Variants in UNC5B observed in about 807,000 individuals in gnomAD.
UNC5B encodes the protein unc-5 netrin receptor B, also known as netrin receptor UNC5B.
Under a neutral mutation model 103.7 loss-of-function variants are expected in UNC5B, and 56 were observed. The ratio of observed to expected loss-of-function variants is 0.54; its 90% CI spans 0.44 to 0.67. The LOEUF (loss-of-function observed/expected upper bound fraction) is 0.67. UNC5B is among the 30% of genes least tolerant of loss of function. The pLI, the probability that UNC5B is intolerant of heterozygous loss-of-function variation, is 0.00. For missense variants in UNC5B, 1,194 were observed against 1,284.5 expected (o/e 0.93, Z 1.08); for synonymous variants, 577 against 542.0 (o/e 1.06, Z -0.90).
At position 71,261,357 on chromosome 10, in the gene UNC5B, C is replaced by T. The variant is rs1050086004; in HGVS notation, c.80-18464C>T. Among the ~76,000 whole-genome samples, 3 of 152,184 alleles carry T rather than the reference C, an allele frequency of 2.0e-5. No homozygotes were observed. The East Asian group carries it at 5.8e-4, about 29-fold the overall frequency. ...TTATTAGTGATGCTTGCCACAGCCT[C>T]AGGATTGGCCAGGTGGCCGTGCATT... On this transcript the variant is annotated intron_variant, in intron 1 of 16. Transcript: ENST00000335350.
Position 71,297,936 on chromosome 10 carries a change from T to A in UNC5B, c.2518T>A (p.Cys840Ser), listed in dbSNP as rs1421879420. 3 of 1,613,706 alleles carry A rather than the reference T, an allele frequency of 1.9e-6. No homozygotes were observed. Among genetic ancestry groups the A allele is most frequent in the Non-Finnish European group, 2.5e-6 (3 of 1,179,816 alleles). ...ACCTGCTGGCTCCCTGGACACTCTCTGCTCTGCCCCTGGCAGCACTGTCAC... is the reference window on the plus strand; with the variant it reads ...ACCTGCTGGCTCCCTGGACACTCTCAGCTCTGCCCCTGGCAGCACTGTCAC... ...ETPAGSLDTL[C>S]SAPGSTVTTQ... Residue 840 changes from cysteine to serine, a missense_variant, in exon 16 of 17, where the codon TGC (cysteine) becomes AGC (serine). Transcript: ENST00000335350.
In UNC5B at chr10:71,299,147, C is replaced by CGG. The variant is rs762709587; in HGVS notation, c.2710_2711dup (p.Ile906Ter). The stretch of plus-strand genomic sequence containing the variant: ...TACTTTGCCACCAAAGCGAGCCCCA[C>CGG]GGGTGTGATCCTGGACCTCTGGGAA... On this transcript the variant is annotated frameshift_variant, in exon 17 of 17. Coordinates refer to ENST00000335350, the MANE Select transcript of UNC5B (RefSeq NM_170744.5). LOFTEE classifies it high-confidence loss of function. 6.2e-7 allele frequency: 1 copy of CGG among 1,614,222 alleles called. No homozygotes were observed. Among genetic ancestry groups the CGG allele is most frequent in the Non-Finnish European group, 8.5e-7 (1 of 1,180,044 alleles).
Position 71,212,592 on chromosome 10 carries a change from G to A in UNC5B, c.-394G>A, listed in dbSNP as rs902924418. The A allele has an allele frequency of 6.3e-6, 1 of 158,582 alleles. No homozygotes were observed. The highest frequency in any genetic ancestry group is 2.4e-5 in the African/African-American group (1 of 41,668). The allele number at this position is 158,582 out of a possible 1,614,324, so 9.8% of individuals were successfully genotyped here. ...GGCATTGTGGCAGGCGGCTGGGGCCGGCTAGGGCGCCGGAGCCGCACGCAG... is the reference window on the plus strand; with the variant it reads ...GGCATTGTGGCAGGCGGCTGGGGCCAGCTAGGGCGCCGGAGCCGCACGCAG... On this transcript the variant is annotated 5_prime_UTR_variant, in exon 1 of 17. Coordinates refer to ENST00000335350, the MANE Select transcript of UNC5B (RefSeq NM_170744.5).
chr10:71,299,064 G>A (rs775705545), intron 16 of UNC5B, 48 bp from the exon 17 acceptor site: 35 of 1,607,276 alleles, frequency 2.2e-5, no homozygotes, highest in Admixed American at 3.4e-5. Context: ...AGGCTCCGGG[G>A]AGGGGCTAAG....
chr10:71,231,535 G>A (rs193134625), intron 1 of UNC5B, among the ~76,000 whole-genome samples: 1 of 152,338 alleles, frequency 6.6e-6, no homozygotes, highest in East Asian at 1.9e-4. Flanking sequence ...GCAGGGCTGT[G>A]TACGCTCAGC....
intron 1 of UNC5B, among the ~76,000 whole-genome samples, chr10:71,251,127 A>T (rs1844163075): frequency 6.6e-6 from 1 of 152,164 alleles, no homozygotes; most frequent in Non-Finnish European, 1.5e-5. Flanking sequence ...TTCCAAATAT[A>T]TTGATATGGA....
chr10:71,282,169 C>A (rs754695170), intron 2 of UNC5B, among the ~76,000 whole-genome samples: 4 of 152,248 alleles, frequency 2.6e-5, no homozygotes, highest in Non-Finnish European at 5.9e-5. Flanking sequence ...GGCAGAGCTT[C>A]CTTGGCAGTG....
In UNC5B at chr10:71,291,551, C is replaced by T. The variant is rs767423548; in HGVS notation, c.1414C>T (p.Pro472Ser). The T allele has an allele frequency of 4.3e-6, 7 of 1,614,208 alleles. No individual in the cohort carries two copies. In the Admixed American group the frequency reaches 1.0e-4, roughly 23 times the overall value. Residue 472 changes from proline (P) to serine (S), a missense_variant, in exon 10 of 17, where the codon CCT becomes TCT. Physicochemically the swap from Pro to Ser is moderately conservative, Grantham distance 74. Coordinates refer to ENST00000335350, the MANE Select transcript of UNC5B (RefSeq NM_170744.5). ...STDKIPMTNS[P>S]LLDPLPSLKV... ...CGACAAAATCCCCATGACCAACTCT[C>T]CTCTGCTGGACCCCTTACCCAGCCT...
chr10:71,234,586 C>A (rs935218041), intron 1 of UNC5B, among the ~76,000 whole-genome samples: 2 of 152,212 alleles, frequency 1.3e-5, no homozygotes, highest in Non-Finnish European at 2.9e-5. Context: ...AGCTCAAAGC[C>A]CCAGGCAGAA....
At chr10:71,236,784 C>T (rs1843783737) in intron 1 of UNC5B, among the ~76,000 whole-genome samples, 1 of 152,202 alleles carries the variant, frequency 6.6e-6, no homozygotes, top group South Asian at 2.1e-4. Flanking sequence ...CAGTGAAGCC[C>T]TCAAGAGGCC....
rs969102080 is a variant in UNC5B at position 71,299,597 on chromosome 10, C to T, written c.*320C>T. The T allele has an allele frequency of 3.6e-6, 1 of 276,758 alleles. No homozygotes were observed. Among genetic ancestry groups the T allele is most frequent in the Non-Finnish European group, 6.9e-6 (1 of 144,918 alleles). 17.1% of individuals were successfully genotyped at this position (276,758 alleles called of 1,614,324 possible). A position where few individuals can be genotyped will look rare whatever the true frequency, so the allele number is the denominator to read the frequency against. On this transcript the variant is annotated 3_prime_UTR_variant, in exon 17 of 17. Transcript: ENST00000335350. ...GGGCAGGCAGGAGGCCCTCCCTCCA[C>T]CCCCCCACCCTCAGCCCGGCAACTT... is the stretch of plus-strand genomic sequence containing the variant.
intron 13 of UNC5B, among the ~76,000 whole-genome samples, chr10:71,294,272 G>A (rs1845351742): frequency 6.6e-6 from 1 of 152,198 alleles, no homozygotes; most frequent in South Asian, 2.1e-4. Flanking sequence ...AAGGAGTGAA[G>A]GGCATTCCAG....
intron 1 of UNC5B, among the ~76,000 whole-genome samples, chr10:71,268,016 T>TC (rs1741429668): frequency 6.6e-6 from 1 of 152,108 alleles, no homozygotes; most frequent in Admixed American, 6.5e-5. Flanking sequence ...AGGCCTGGCC[T>TC]CCCCGGGGCC....
chr10:71,300,681 TGAG>T lies in UNC5B; in HGVS notation c.*1405_*1407del, dbSNP rs1387913802. On this transcript the variant is annotated 3_prime_UTR_variant, in exon 17 of 17. Transcript: ENST00000335350. ...TCCTTCTGTAAAGCAGAGTGATGGC[TGAG>T]AAGTCCTCTCTAGCTGCAGAAGCCT... is the stretch of plus-strand genomic sequence containing the variant. 4 of 152,274 alleles carry T rather than the reference TGAG, an allele frequency of 2.6e-5. No individual in the cohort carries two copies. The highest frequency in any genetic ancestry group is 5.9e-5 in the Non-Finnish European group (4 of 68,084). 9.4% of individuals were successfully genotyped at this position (152,274 alleles called of 1,614,324 possible). A position where few individuals can be genotyped will look rare whatever the true frequency, so the allele number is the denominator to read the frequency against.
At chr10:71,294,061 G>C in intron 13 of UNC5B, 128 bp downstream of exon 13, 2 of 859,836 alleles carry the variant, frequency 2.3e-6, no homozygotes, top group Non-Finnish European at 3.5e-6. Flanking sequence ...ATTAGGTCCC[G>C]CTTGCGACCC....
At chr10:71,228,067 A>G (rs1843610130) in intron 1 of UNC5B, among the ~76,000 whole-genome samples, 1 of 152,260 alleles carries the variant, frequency 6.6e-6, no homozygotes, top group South Asian at 2.1e-4. Flanking sequence ...GTCTACGGAA[A>G]TACAGTACAT....
Position 71,213,192 on chromosome 10 carries a change from A to C in UNC5B, c.79+128A>C. On this transcript the variant is annotated intron_variant, in intron 1 of 16. Transcript: ENST00000335350. The surrounding 1 kb of genome is among the most constrained non-coding windows in gnomAD (Gnocchi z 4.1). ...AAGCGGCAAGGGCGCCCAAGTTAGAATGTAGATTTTACTGCCTCCCAAAGT... is the reference window on the plus strand; with the variant it reads ...AAGCGGCAAGGGCGCCCAAGTTAGACTGTAGATTTTACTGCCTCCCAAAGT... 2.7e-6 allele frequency: 2 copies of C among 747,272 alleles called. No individual in the cohort carries two copies. The highest frequency in any genetic ancestry group is 6.6e-5 in the South Asian group (1 of 15,092). The allele number at this position is 747,272 out of a possible 1,614,324, so 46.3% of individuals were successfully genotyped here. A position where few individuals can be genotyped will look rare whatever the true frequency, so the allele number is the denominator to read the frequency against.
intron 13 of UNC5B, among the ~76,000 whole-genome samples, chr10:71,295,234 G>T (rs1845376192): frequency 6.6e-6 from 1 of 152,234 alleles, no homozygotes; most frequent in African/African-American, 2.4e-5. Flanking sequence ...TGGATCTCTT[G>T]GTCCTGGGGC....
chr10:71,288,337 A>T (rs571721805), intron 6 of UNC5B, among the ~76,000 whole-genome samples: 1 of 152,114 alleles, frequency 6.6e-6, no homozygotes, highest in East Asian at 1.9e-4. Flanking sequence ...TTATACATCT[A>T]TCTGTACCCT....
Sources: gnomAD v4.1 joint callset for allele counts (sites outside exome capture counted in the v4.1 genomes callset) on GRCh38, gnomAD v4.1.1 for gene constraint, Gnocchi (gnomAD v3.1) non-coding constraint, MANE v1.5 for transcripts, NCBI Gene and HGNC (gene_info 2026-07-23, HGNC 2026-07-21) for gene names.